FANCC: variants seen among roughly 807,000 people sequenced by gnomAD.
FANCC encodes the protein FA complementation group C.
A neutral mutation model predicts 71.3 loss-of-function variants in FANCC; 55 were observed. The observed-to-expected ratio is 0.77, with a 90% CI of 0.62 to 0.97. The LOEUF (loss-of-function observed/expected upper bound fraction) is 0.97, where lower values mean the gene tolerates loss of function less well. FANCC is among the 50% of genes least tolerant of loss of function. FANCC has a pLI of 0.00. For missense variants in FANCC, 678 were observed against 670.9 expected (o/e 1.01, Z -0.12); for synonymous variants, 275 against 244.9 (o/e 1.12, Z -1.15).
At chr9:95,315,323 T>G (rs1588459233) in intron 1 of FANCC, among the ~76,000 whole-genome samples, 1 of 152,188 alleles carries the variant, frequency 6.6e-6, no homozygotes, top group East Asian at 1.9e-4. Flanking sequence ...CCTCCTGAAC[T>G]CAGGTGATCC....
rs1459600448 is a variant in FANCC, at chr9:95,113,136, ATTCATGTGGCCAACCCCGCAGCC to A, written c.1154+1470_1154+1492del. On this transcript the variant is annotated intron_variant, in intron 12 of 14. Transcript: ENST00000289081. The stretch of plus-strand genomic sequence containing the variant: ...GGGGGCCGACTGGCCACTGCAGGCT[ATTCATGTGGCCAACCCCGCAGCC>A]TCCATTGGCTGCAGGCCTTTTTTGT... Among the ~76,000 whole-genome samples the A allele has an allele frequency of 3.3e-5, 5 of 152,186 alleles. No homozygotes were observed. The South Asian group carries it at 8.3e-4, about 25-fold the overall frequency.
Position 95,317,688 on chromosome 9 carries a change from ACACGTGTC to A in FANCC, c.-249_-242del, listed in dbSNP as rs919273419. The A allele has an allele frequency of 1.9e-4, 29 of 152,240 alleles. No homozygotes were observed. Among genetic ancestry groups the A allele is most frequent in the African/African-American group, 6.5e-4 (27 of 41,538 alleles). The allele number at this position is 152,240 out of a possible 1,614,324, so 9.4% of individuals were successfully genotyped here. A position where few individuals can be genotyped will look rare whatever the true frequency, so the allele number is the denominator to read the frequency against. On this transcript the variant is annotated 5_prime_UTR_variant, in exon 1 of 15. It removes the in-frame stop codon of an upstream open reading frame in the 5' UTR. Transcript: ENST00000289081. ...CCCGGCAGTGGAGCCGCGCGCGCGC[ACACGTGTC>A]AGCAGTGCATTCTGGGGCCTGGCTA...
chr9:95,240,941 C>A (rs1459831052), intron 3 of FANCC, among the ~76,000 whole-genome samples, 198 bp from the exon 4 acceptor site: 1 of 152,204 alleles, frequency 6.6e-6, no homozygotes, highest in East Asian at 1.9e-4. Context: ...CTCACTCTAT[C>A]TTTGCTCTCC....
chr9:95,294,834 G>A (rs1834274946), intron 1 of FANCC: 4 of 1,509,700 alleles, frequency 2.6e-6, no homozygotes, highest in Non-Finnish European at 3.5e-6. Flanking sequence ...GTCCATGTGT[G>A]AGACGGCATC....
chr9:95,159,566 T>C (rs2135505743), intron 6 of FANCC, among the ~76,000 whole-genome samples: 1 of 152,354 alleles, frequency 6.6e-6, no homozygotes, highest in South Asian at 2.1e-4. Context: ...GATAGCTGGA[T>C]CAAATGGTAT....
intron 4 of FANCC, among the ~76,000 whole-genome samples, chr9:95,180,100 T>C (rs1425785176): frequency 1.3e-5 from 2 of 152,218 alleles, no homozygotes; most frequent in South Asian, 4.1e-4. Context: ...ATGCATATTA[T>C]GTATCAATAA....
intron 1 of FANCC, among the ~76,000 whole-genome samples, chr9:95,305,409 C>G (rs970811800): frequency 7.9e-5 from 12 of 152,160 alleles, no homozygotes; most frequent in African/African-American, 2.2e-4. Flanking sequence ...CAGATTAAGA[C>G]TGGTACAGGT....
intron 11 of FANCC, 132 bp downstream of exon 11, chr9:95,117,183 T>A: frequency 1.2e-6 from 1 of 829,828 alleles, no homozygotes; most frequent in Non-Finnish European, 2.0e-6. Flanking sequence ...TCCTGGGGGC[T>A]TAAAGGGATC....
In FANCC at chr9:95,107,167, C is replaced by T. The variant is rs2071513123; in HGVS notation, c.1432G>A (p.Asp478Asn). 6.2e-7 allele frequency: 1 copy of T among 1,614,210 alleles called. No homozygotes were observed. Among genetic ancestry groups the T allele is most frequent in the Non-Finnish European group, 8.5e-7 (1 of 1,180,038 alleles). The change falls in exon 14 of 15, where the codon GAC becomes AAC. Residue 478 changes from aspartate to asparagine, a missense_variant. Asp to Asn is a conservative substitution (Grantham distance 23). Transcript: ENST00000289081. The stretch of plus-strand genomic sequence containing the variant: ...AGCTGTTGTGCAGGAGCTCTGAGGT[C>T]TGTGTCTGTGCCCTGTCCTGCTACC... ...QTVAGQGTDTDLRAPAQQLIR... is the reference protein window; with the variant it reads ...QTVAGQGTDTNLRAPAQQLIR...
intron 4 of FANCC, among the ~76,000 whole-genome samples, chr9:95,208,004 T>A (rs1358332170): frequency 6.8e-6 from 1 of 147,774 alleles, no homozygotes; most frequent in African/African-American, 2.5e-5. Context: ...CATCTTCTAA[T>A]AAACTTTGCA....
intron 4 of FANCC, among the ~76,000 whole-genome samples, chr9:95,232,071 C>T (rs770605849): frequency 3.3e-5 from 5 of 152,144 alleles, no homozygotes; most frequent in Admixed American, 2.0e-4. Context: ...GCTTGGCTTC[C>T]GGGGAGGCCT....
intron 12 of FANCC, among the ~76,000 whole-genome samples, chr9:95,113,348 GA>G (rs2072114326): frequency 6.6e-6 from 1 of 152,196 alleles, no homozygotes; most frequent in African/African-American, 2.4e-5. Context: ...GAACAAATAA[GA>G]TAGTCTTAGT....
chr9:95,226,770 G>A (rs1428150488), intron 4 of FANCC, among the ~76,000 whole-genome samples: 2 of 152,142 alleles, frequency 1.3e-5, no homozygotes, highest in African/African-American at 4.8e-5. Flanking sequence ...GCAAAGCAGG[G>A]GAGGAACAAG....
At chr9:95,150,113 C>G (rs756871070) in intron 6 of FANCC, 26 bp from the exon 7 acceptor site, 1 of 1,613,382 alleles carries the variant, frequency 6.2e-7, no homozygotes, top group Admixed American at 1.7e-5. Flanking sequence ...GAAATAATCA[C>G]TCAAATCTAA....
At position 95,210,065 on chromosome 9, in the gene FANCC, C is replaced by T. The variant is rs543629357; in HGVS notation, c.345+30584G>A. Among the ~76,000 whole-genome samples the T allele has an allele frequency of 2.4e-4, 37 of 152,252 alleles. No homozygotes were observed. In the East Asian group the frequency reaches 5.6e-3, roughly 23 times the overall value. On this transcript the variant is annotated intron_variant, in intron 4 of 14. Coordinates refer to ENST00000289081, the MANE Select transcript of FANCC (RefSeq NM_000136.3). ...AACATGAACAAATCTCAAAAAAATA[C>T]ACCATCAAGCAAACAAGCAGGTGGC...
chr9:95,282,411 T>C (rs1833432398), intron 1 of FANCC, among the ~76,000 whole-genome samples: 1 of 152,124 alleles, frequency 6.6e-6, no homozygotes, highest in Non-Finnish European at 1.5e-5. Flanking sequence ...ATGCACCCAA[T>C]GTCAGAGCAC....
intron 1 of FANCC, among the ~76,000 whole-genome samples, chr9:95,297,961 T>C (rs1257171268): frequency 6.6e-6 from 1 of 152,230 alleles, no homozygotes; most frequent in African/African-American, 2.4e-5. Flanking sequence ...GTAAGGACTC[T>C]GGACTTTATT....
At position 95,292,577 on chromosome 9, in the gene FANCC, G is replaced by A. The variant is rs1009223216; in HGVS notation, c.-79+24949C>T. On this transcript the variant is annotated intron_variant, in intron 1 of 14. Coordinates refer to ENST00000289081, the MANE Select transcript of FANCC (RefSeq NM_000136.3). ...TGAGCGAGCTGTCCCAGACCACATG[G>A]CCCAACATCCTGTGCACCGTGCGCG... The A allele has an allele frequency of 3.4e-6, 5 of 1,466,268 alleles. No individual in the cohort carries two copies. The African/African-American group carries it at 6.9e-5, about 20-fold the overall frequency. The allele number at this position is 1,466,268 out of a possible 1,614,324, so 90.8% of individuals were successfully genotyped here. A position where few individuals can be genotyped will look rare whatever the true frequency, so the allele number is the denominator to read the frequency against.
intron 7 of FANCC, among the ~76,000 whole-genome samples, chr9:95,144,185 C>T (rs1447887735): frequency 3.9e-5 from 6 of 152,184 alleles, no homozygotes; most frequent in Non-Finnish European, 7.3e-5. Flanking sequence ...GGATCAGCCT[C>T]GCTGTGTCAA....
Sources: allele counts gnomAD v4.1 joint callset (sites outside exome capture counted in the v4.1 genomes callset), GRCh38; gene constraint gnomAD v4.1.1; transcripts MANE v1.5; gene names NCBI Gene and HGNC (gene_info 2026-07-23, HGNC 2026-07-21).